The following KCNIP1 variants were observed in gnomAD, a reference collection of about 807,000 sequenced individuals.
KCNIP1 encodes A-type potassium channel modulatory protein KCNIP1.
Under a neutral mutation model 33.0 loss-of-function variants are expected in KCNIP1, and 18 were observed. The ratio of observed to expected loss-of-function variants is 0.55; its 90% CI spans 0.38 to 0.81. The LOEUF (loss-of-function observed/expected upper bound fraction) is 0.81. Ranked by LOEUF, KCNIP1 falls within the 30% of genes least tolerant of loss-of-function variation. The pLI, the probability that KCNIP1 is intolerant of heterozygous loss-of-function variation, is 0.00. For missense variants in KCNIP1, 238 were observed against 271.6 expected (o/e 0.88, Z 0.87); for synonymous variants, 93 against 98.3 (o/e 0.95, Z 0.32).
intron 1 of KCNIP1, among the ~76,000 whole-genome samples, chr5:170,536,050 G>A (rs780400428): frequency 1.3e-5 from 2 of 152,206 alleles, no homozygotes; most frequent in African/African-American, 4.8e-5. Flanking sequence ...TATCAACTCC[G>A]TAAAGGCAGG....
At chr5:170,669,527 A>G in intron 1 of KCNIP1, 3 of 985,358 alleles carry the variant, frequency 3.0e-6, no homozygotes, top group Non-Finnish European at 3.6e-6. Flanking sequence ...TGTTGAAAGG[A>G]CAGATGGATG....
intron 1 of KCNIP1, among the ~76,000 whole-genome samples, chr5:170,649,253 A>G (rs1760936930): frequency 1.3e-5 from 2 of 152,230 alleles, no homozygotes; most frequent in Non-Finnish European, 2.9e-5. Context: ...GAATCAATTT[A>G]AACAGCTCTC....
chr5:170,357,728 A>G (rs541553707), intron 1 of KCNIP1, among the ~76,000 whole-genome samples: 1 of 152,258 alleles, frequency 6.6e-6, no homozygotes, highest in Non-Finnish European at 1.5e-5. Flanking sequence ...GGGTCTCACT[A>G]TGTTGCCCAG....
chr5:170,683,854 T>G (rs111951863), intron 1 of KCNIP1, among the ~76,000 whole-genome samples: 4,567 of 151,488 alleles, frequency 0.03, 85 homozygotes, highest in African/African-American at 0.038. Context: ...ATCCCAAGTA[T>G]CTGGGACTAC....
chr5:170,597,160 A>G (rs1026090849), intron 1 of KCNIP1, among the ~76,000 whole-genome samples: 5 of 152,328 alleles, frequency 3.3e-5, no homozygotes, highest in Non-Finnish European at 7.4e-5. Flanking sequence ...GTCCAATGTC[A>G]TCATCCTAGA....
intron 1 of KCNIP1, among the ~76,000 whole-genome samples, chr5:170,444,781 G>A (rs1034837319): frequency 2.4e-4 from 37 of 151,990 alleles, no homozygotes; most frequent in Middle Eastern, 3.4e-3. Flanking sequence ...CTGCGGGCAA[G>A]GATAGTTATG....
At chr5:170,725,883 G>T (rs1763989706) in intron 5 of KCNIP1, among the ~76,000 whole-genome samples, 1 of 152,084 alleles carries the variant, frequency 6.6e-6, no homozygotes, top group Non-Finnish European at 1.5e-5. Flanking sequence ...ATGCCAAAAA[G>T]ATCAAAGGGG....
rs183364236 is a variant in KCNIP1 at position 170,599,123 on chromosome 5, A to G, written c.61+94490A>G. On this transcript the variant is annotated intron_variant, in intron 1 of 7. Transcript: ENST00000328939. ...GCAGAGACTGGAAGGAGCACCAGAT[A>G]GAACTGACTCACTCCTCCTTCCTCT... Among the ~76,000 whole-genome samples, 308 of 152,254 alleles carry G rather than the reference A, an allele frequency of 2.0e-3. 3 individuals are homozygous for G. The highest frequency in any genetic ancestry group is 7.0e-3 in the African/African-American group (291 of 41,552).
chr5:170,556,486 G>A (rs933478144), intron 1 of KCNIP1, among the ~76,000 whole-genome samples: 2 of 152,202 alleles, frequency 1.3e-5, no homozygotes, highest in African/African-American at 4.8e-5. Context: ...TTCCCTTTCT[G>A]GTCAGGGACC....
intron 1 of KCNIP1, among the ~76,000 whole-genome samples, chr5:170,490,464 T>G (rs918485): frequency 0.5 from 75,329 of 151,988 alleles, 20,306 homozygotes; most frequent in African/African-American, 0.72. Context: ...GACACAGAAC[T>G]ACACACATAC....
intron 1 of KCNIP1, chr5:170,385,256 C>A: frequency 5.6e-6 from 9 of 1,599,124 alleles, no homozygotes; most frequent in Non-Finnish European, 7.7e-6. Context: ...GGGTTCCTTA[C>A]AGATGCCAGA....
intron 1 of KCNIP1, among the ~76,000 whole-genome samples, chr5:170,458,400 G>A (rs1756436599): frequency 6.6e-6 from 1 of 152,100 alleles, no homozygotes; most frequent in African/African-American, 2.4e-5. Flanking sequence ...TTGTCATCAG[G>A]TTATCTAAAG....
chr5:170,591,949 T>C (rs890959874), intron 1 of KCNIP1, among the ~76,000 whole-genome samples: 2 of 152,228 alleles, frequency 1.3e-5, no homozygotes, highest in Non-Finnish European at 2.9e-5. Context: ...TTCAGTTCTT[T>C]TGGATATGTA....
intron 1 of KCNIP1, among the ~76,000 whole-genome samples, chr5:170,436,461 G>A (rs1755865867): frequency 6.6e-6 from 1 of 152,188 alleles, no homozygotes; most frequent in East Asian, 1.9e-4. Flanking sequence ...GAAGGCGATC[G>A]CCCATCCGGC....
chr5:170,667,897 A>G (rs547441402), intron 1 of KCNIP1, among the ~76,000 whole-genome samples: 2 of 152,240 alleles, frequency 1.3e-5, no homozygotes, highest in East Asian at 3.8e-4. Context: ...AAGCCAACCC[A>G]GAATCACTTA....
intron 1 of KCNIP1, among the ~76,000 whole-genome samples, chr5:170,650,594 AC>A (rs2113720573): frequency 6.6e-6 from 1 of 152,332 alleles, no homozygotes; most frequent in African/African-American, 2.4e-5. Flanking sequence ...GACAATTCCA[AC>A]TTTTGACTAT....
At chr5:170,491,403 G>A (rs574198429) in intron 1 of KCNIP1, among the ~76,000 whole-genome samples, 2 of 152,230 alleles carry the variant, frequency 1.3e-5, no homozygotes, top group African/African-American at 2.4e-5. Context: ...CACCTGCTTC[G>A]GTGATGTACT....
intron 1 of KCNIP1, among the ~76,000 whole-genome samples, chr5:170,367,620 C>G (rs1363177801): frequency 6.6e-6 from 1 of 152,158 alleles, no homozygotes; most frequent in Non-Finnish European, 1.5e-5. Flanking sequence ...AAGGAGACCT[C>G]TCTCTCCTGA....
chr5:170,566,809 G>A (rs1029860514), intron 1 of KCNIP1, among the ~76,000 whole-genome samples: 6 of 152,210 alleles, frequency 3.9e-5, no homozygotes, highest in Non-Finnish European at 8.8e-5. Context: ...CAAAGCACCT[G>A]AGAAATTGAA....
Sources: gnomAD v4.1 joint callset for allele counts (sites outside exome capture counted in the v4.1 genomes callset) on GRCh38, gnomAD v4.1.1 for gene constraint, MANE v1.5 for transcripts, NCBI Gene and HGNC (gene_info 2026-07-23, HGNC 2026-07-21) for gene names.